TLN2: variants seen among roughly 807,000 people sequenced by gnomAD.
TLN2 encodes the protein talin-2.
Under a neutral mutation model 294.7 loss-of-function variants are expected in TLN2, and 118 were observed. The ratio of observed to expected loss-of-function variants is 0.40; its 90% CI spans 0.34 to 0.47. The LOEUF (loss-of-function observed/expected upper bound fraction) is 0.47, where lower values mean the gene tolerates loss of function less well. Ranked by LOEUF, TLN2 falls within the 20% of genes least tolerant of loss-of-function variation. The probability of loss-of-function intolerance (pLI) is 0.84; values close to 1 mark genes in which losing one functional copy is unlikely to be tolerated. For missense variants in TLN2, 3,083 were observed against 3,282.2 expected (o/e 0.94, Z 1.48); for synonymous variants, 1,431 against 1,304.5 (o/e 1.10, Z -2.09).
intron 54 of TLN2, chr15:62,829,677 T>C (rs2068584780): frequency 6.6e-6 from 1 of 152,232 alleles, no homozygotes. Context: ...TTCTAATTAT[T>C]TTAAAATGTA....
intron 1 of TLN2, among the ~76,000 whole-genome samples, chr15:62,418,313 C>T (rs2034196684): frequency 6.6e-6 from 1 of 152,148 alleles, no homozygotes; most frequent in South Asian, 2.1e-4. Context: ...CAATGATAGA[C>T]TATTCTAGAA....
intron 1 of TLN2, among the ~76,000 whole-genome samples, chr15:62,432,726 A>G (rs975437649): frequency 6.6e-6 from 1 of 152,278 alleles, no homozygotes; most frequent in African/African-American, 2.4e-5. Context: ...TTGGCAATAT[A>G]CTAGGAGTTG....
intron 1 of TLN2, among the ~76,000 whole-genome samples, chr15:62,582,195 T>TACACACACAC (rs67748452): frequency 0.028 from 1,881 of 66,400 alleles, 100 homozygotes; most frequent in East Asian, 0.064. Flanking sequence ...TGTGTATGCA[T>TACACACACAC]ACACACACAC....
chr15:62,726,016 T>A (rs1379786876), intron 27 of TLN2, among the ~76,000 whole-genome samples: 1 of 152,140 alleles, frequency 6.6e-6, no homozygotes, highest in African/African-American at 2.4e-5. Flanking sequence ...AGAGGTTAAG[T>A]CACTTAACTG....
At chr15:62,614,165 T>A (rs1431173700) in intron 2 of TLN2, among the ~76,000 whole-genome samples, 1 of 152,212 alleles carries the variant, frequency 6.6e-6, no homozygotes, top group Non-Finnish European at 1.5e-5. Context: ...TCAGGCTTAC[T>A]GTACAAAAAA....
chr15:62,534,481 G>C (rs987288389), intron 1 of TLN2, among the ~76,000 whole-genome samples: 1 of 152,190 alleles, frequency 6.6e-6, no homozygotes, highest in African/African-American at 2.4e-5. Flanking sequence ...GGAGCTTGGA[G>C]CGTCCATGCC....
intron 11 of TLN2, among the ~76,000 whole-genome samples, chr15:62,676,663 G>A (rs897725422): frequency 6.6e-6 from 1 of 152,160 alleles, no homozygotes; most frequent in Non-Finnish European, 1.5e-5. Flanking sequence ...CGCCCAGGCC[G>A]GAGTGCAGTG....
At chr15:62,751,108 A>G (rs910082953) in intron 34 of TLN2, among the ~76,000 whole-genome samples, 3 of 151,978 alleles carry the variant, frequency 2.0e-5, no homozygotes, top group Non-Finnish European at 2.9e-5. Context: ...TTTGATTAGG[A>G]AAAAAAACAT....
At chr15:62,423,875 C>T (rs944734393) in intron 1 of TLN2, among the ~76,000 whole-genome samples, 2 of 152,168 alleles carry the variant, frequency 1.3e-5, no homozygotes, top group African/African-American at 2.4e-5. Context: ...CAACCGTGCC[C>T]GGCCTGAAAT....
intron 2 of TLN2, among the ~76,000 whole-genome samples, chr15:62,590,977 C>T (rs2046030947): frequency 1.4e-5 from 2 of 145,680 alleles, no homozygotes; most frequent in South Asian, 4.2e-4. Context: ...GGACCTATTT[C>T]TATTTTTTTT....
At chr15:62,757,259 G>C (rs1263791019) in intron 37 of TLN2, among the ~76,000 whole-genome samples, 2 of 152,172 alleles carry the variant, frequency 1.3e-5, no homozygotes, top group East Asian at 3.9e-4. Flanking sequence ...CTGGCATGCT[G>C]TTCACCTCTT....
chr15:62,500,587 A>C (rs776073088), intron 1 of TLN2, among the ~76,000 whole-genome samples: 13 of 152,216 alleles, frequency 8.5e-5, no homozygotes, highest in Non-Finnish European at 1.9e-4. Context: ...AGACAAAGCC[A>C]GGCTTATAGT....
At chr15:62,780,020 C>T (rs1426022167) in intron 43 of TLN2, among the ~76,000 whole-genome samples, 2 of 152,200 alleles carry the variant, frequency 1.3e-5, no homozygotes, top group Non-Finnish European at 2.9e-5. Context: ...CTTTATGGCA[C>T]AGAGCTGCCA....
At chr15:62,770,678 C>T (rs922249195) in intron 41 of TLN2, among the ~76,000 whole-genome samples, 1 of 152,138 alleles carries the variant, frequency 6.6e-6, no homozygotes. Context: ...TAGAAATTGA[C>T]AGTTTGTAAA....
intron 1 of TLN2, among the ~76,000 whole-genome samples, chr15:62,539,658 G>A (rs1312922796): frequency 8.5e-5 from 13 of 152,076 alleles, no homozygotes; most frequent in Non-Finnish European, 1.5e-4. Flanking sequence ...TGGTGGGGCC[G>A]GGTGGGTAAC....
At chr15:62,479,036 G>A (rs540141753) in intron 1 of TLN2, among the ~76,000 whole-genome samples, 7 of 152,280 alleles carry the variant, frequency 4.6e-5, no homozygotes, top group South Asian at 4.1e-4. Flanking sequence ...AAATCCATGC[G>A]TATAACCCCT....
rs1206837687 is a variant in TLN2, at chr15:62,771,160, A to G, written c.5367+26A>G. ...GTATGGTCCAGGATATCGGGGACTC[A>G]CTTAGGACCACTAAGAAGCCATCAT... On this transcript the variant is annotated intron_variant, in intron 42 of 58. Coordinates refer to ENST00000636159, the MANE Select transcript of TLN2 (RefSeq NM_015059.3). 3.8e-6 allele frequency: 6 copies of G among 1,564,082 alleles called. No homozygotes were observed. In the Admixed American group the frequency reaches 8.8e-5, roughly 23 times the overall value.
chr15:62,762,582 G>C, intron 39 of TLN2, 129 bp downstream of exon 39: 1 of 1,071,038 alleles, frequency 9.3e-7, no homozygotes, highest in Non-Finnish European at 1.3e-6. Context: ...TCTCTTTGGG[G>C]CCGGAAGCAC....
At position 62,499,477 on chromosome 15, in the gene TLN2, A is replaced by G. The variant is rs763091473; in HGVS notation, c.-237-90210A>G. 1.4e-3 allele frequency among the ~76,000 whole-genome samples: 219 copies of G among 152,352 alleles called. 4 individuals are homozygous for G. The highest frequency in any genetic ancestry group is 1.1e-3 in the Non-Finnish European group (72 of 68,030). ...AAATAAATAGAGAAATGGCCTGGAT[A>G]TGGCTTGAAACCAAGCCTCTTTTAA... On this transcript the variant is annotated intron_variant, in intron 1 of 58. Coordinates refer to ENST00000636159, the MANE Select transcript of TLN2 (RefSeq NM_015059.3).
Sources: gnomAD v4.1 joint callset for allele counts (sites outside exome capture counted in the v4.1 genomes callset) on GRCh38, gnomAD v4.1.1 for gene constraint, MANE v1.5 for transcripts, NCBI Gene and HGNC (gene_info 2026-07-23, HGNC 2026-07-21) for gene names.